The following CDC25A variants were observed in gnomAD, a reference collection of about 807,000 sequenced individuals.
The protein encoded by CDC25A is cell division cycle 25A.
CDC25A carries 17 observed loss-of-function variants against 64.6 expected under a neutral mutation model. The observed-to-expected ratio is 0.26, with a 90% CI of 0.18 to 0.39. The LOEUF (loss-of-function observed/expected upper bound fraction) is 0.39. CDC25A is among the 10% of genes least tolerant of loss of function. CDC25A has a pLI of 1.00. For missense variants in CDC25A, 473 were observed against 654.8 expected, an observed-to-expected ratio of 0.72 and a Z score of 3.03; for synonymous variants, 229 against 238.6, an observed-to-expected ratio of 0.96 and a Z score of 0.37.
chr3:48,164,724 A>G (rs559669659), intron 12 of CDC25A, among the ~76,000 whole-genome samples: 1 of 152,198 alleles, frequency 6.6e-6, no homozygotes, highest in East Asian at 1.9e-4. Context: ...AAATTTGGGG[A>G]TTTTCAAAAG....
intron 13 of CDC25A, among the ~76,000 whole-genome samples, chr3:48,162,301 A>T (rs555164202): frequency 0.021 from 3,170 of 150,072 alleles, 85 homozygotes; most frequent in African/African-American, 0.073. Flanking sequence ...TGTGTGTGAG[A>T]GAGAGACAGA....
Position 48,177,882 on chromosome 3 carries a change from A to G in CDC25A, c.656T>C (p.Val219Ala). The change falls in exon 7 of 15, where the codon GTG becomes GCG. Residue 219 changes from valine (V) to alanine (A), a missense_variant. Around this residue, in one of 2 missense-constraint regions of CDC25A, gnomAD observed 376 missense variants for 431.9 expected, o/e 0.87. Transcript: ENST00000302506. ...CAGATTCTCTCCATCGAGAAGGTCC[A>G]CGAAGCCATCATCCTCATCAGACAA... ...ATLSDEDDGF[V>A]DLLDGENLKN... 1 of 1,614,164 alleles carries G rather than the reference A, an allele frequency of 6.2e-7. No homozygotes were observed. The highest frequency in any genetic ancestry group is 8.5e-7 in the Non-Finnish European group (1 of 1,180,022).
At position 48,158,797 on chromosome 3, in the gene CDC25A, G is replaced by A. The variant is rs939906056; in HGVS notation, c.*148C>T. The A allele has an allele frequency of 1.5e-5, 14 of 925,546 alleles. No individual in the cohort carries two copies. The highest frequency in any genetic ancestry group is 4.8e-5 in the South Asian group (3 of 62,246). The allele number at this position is 925,546 out of a possible 1,614,324, so 57.3% of individuals were successfully genotyped here. A position where few individuals can be genotyped will look rare whatever the true frequency, so the allele number is the denominator to read the frequency against. On this transcript the variant is annotated 3_prime_UTR_variant, in exon 15 of 15. Coordinates refer to ENST00000302506, the MANE Select transcript of CDC25A (RefSeq NM_001789.3). ...GATGCCCTGGGCTCCAACCTTGGGAGTGTGGGAGGTAGGTTTAAGGCATGG... is the reference window on the plus strand; with the variant it reads ...GATGCCCTGGGCTCCAACCTTGGGAATGTGGGAGGTAGGTTTAAGGCATGG...
At chr3:48,171,516 G>A (rs887202821) in intron 9 of CDC25A, among the ~76,000 whole-genome samples, 10 of 151,326 alleles carry the variant, frequency 6.6e-5, no homozygotes, top group Admixed American at 1.3e-4. Flanking sequence ...GAGCAGCTGG[G>A]ATTACAGGCT....
At position 48,161,943 on chromosome 3, in the gene CDC25A, C is replaced by T. The variant is rs549724664; in HGVS notation, c.1322+2364G>A. On this transcript the variant is annotated intron_variant, in intron 13 of 14. Transcript: ENST00000302506. Reference sequence around the variant, plus strand: ...TGGCATGGTGGCATGCACCCGTAGTCCCAGCTACTTGGGAGCCTGAGGCAG... The same window carrying T: ...TGGCATGGTGGCATGCACCCGTAGTTCCAGCTACTTGGGAGCCTGAGGCAG... Among the ~76,000 whole-genome samples the T allele has an allele frequency of 7.2e-5, 11 of 152,208 alleles. No homozygotes were observed. In the South Asian group the frequency reaches 1.9e-3, roughly 26 times the overall value.
At chr3:48,179,700 A>G (rs2032592331) in intron 6 of CDC25A, among the ~76,000 whole-genome samples, 1 of 152,164 alleles carries the variant, frequency 6.6e-6, no homozygotes, top group African/African-American at 2.4e-5. Flanking sequence ...CTACTTATGT[A>G]TATCCTTTGG....
At chr3:48,162,010 G>A (rs1482169604) in intron 13 of CDC25A, among the ~76,000 whole-genome samples, 1 of 152,092 alleles carries the variant, frequency 6.6e-6, no homozygotes. Context: ...GCAGTGATCC[G>A]AGATCGCACC....
chr3:48,187,697 C>T, intron 1 of CDC25A, 81 bp downstream of exon 1: 1 of 1,362,644 alleles, frequency 7.3e-7, no homozygotes, highest in Non-Finnish European at 9.9e-7. Context: ...GCCCTTCTCC[C>T]GGTCCGTTTC....
intron 9 of CDC25A, among the ~76,000 whole-genome samples, chr3:48,171,302 A>C (rs2032260178): frequency 6.6e-6 from 1 of 151,488 alleles, no homozygotes; most frequent in South Asian, 2.1e-4. Flanking sequence ...TGAACTGGGG[A>C]GGCGGAGGTT....
At position 48,159,207 on chromosome 3, in the gene CDC25A, A is replaced by G. The variant is rs1300890563; in HGVS notation, c.1435-122T>C. On this transcript the variant is annotated intron_variant, in intron 14 of 14. Transcript: ENST00000302506. ...GGCAGACCTAGGGAGCCAGTTCTAC[A>G]GGGGCTTTCTTTGGGTTCAGCAGAT... 5.9e-6 allele frequency: 8 copies of G among 1,347,574 alleles called. No homozygotes were observed. The Admixed American group carries it at 1.0e-4, about 17-fold the overall frequency. 83.5% of individuals were successfully genotyped at this position (1,347,574 alleles called of 1,614,324 possible).
chr3:48,182,787 C>T, intron 5 of CDC25A, 142 bp downstream of exon 5: 1 of 602,352 alleles, frequency 1.7e-6, no homozygotes, highest in African/African-American at 1.8e-5. Flanking sequence ...AAGCAGGATC[C>T]AAACCCAGAA....
At chr3:48,186,641 G>A in intron 2 of CDC25A, 62 bp downstream of exon 2, 1 of 1,030,206 alleles carries the variant, frequency 9.7e-7, no homozygotes, top group Admixed American at 2.0e-5. Flanking sequence ...CTAACCTCCT[G>A]GGTGAAAAGG....
chr3:48,157,305 AAAC>A lies in CDC25A; in HGVS notation c.*1637_*1639del, dbSNP rs1459007064. 4 of 152,252 alleles carry A rather than the reference AAAC, an allele frequency of 2.6e-5. No individual in the cohort carries two copies. The highest frequency in any genetic ancestry group is 9.6e-5 in the African/African-American group (4 of 41,452). 9.4% of individuals were successfully genotyped at this position (152,252 alleles called of 1,614,324 possible). On this transcript the variant is annotated 3_prime_UTR_variant, in exon 15 of 15. Coordinates refer to ENST00000302506, the MANE Select transcript of CDC25A (RefSeq NM_001789.3). The stretch of plus-strand genomic sequence containing the variant: ...TCAACCAACAGAATCTCTTTCTTAC[AAAC>A]AATATCATTAACCAGTTGGAATCTG...
chr3:48,162,098 C>T (rs2031792130), intron 13 of CDC25A, among the ~76,000 whole-genome samples: 1 of 152,108 alleles, frequency 6.6e-6, no homozygotes, highest in East Asian at 1.9e-4. Context: ...TGAATAATTC[C>T]ATTCATGAAT....
chr3:48,180,439 C>A (rs2106750062), intron 6 of CDC25A: 1 of 298,188 alleles, frequency 3.4e-6, no homozygotes, highest in African/African-American at 2.2e-5. Flanking sequence ...TATAATCCCA[C>A]CATACATACA....
At chr3:48,180,974 G>T in intron 5 of CDC25A, 134 bp from the exon 6 acceptor site, 1 of 727,160 alleles carries the variant, frequency 1.4e-6, no homozygotes, top group Non-Finnish European at 2.3e-6. Flanking sequence ...TCCAACAATA[G>T]ATCTGCGTAA....
chr3:48,181,026 T>A (rs1261706312), intron 5 of CDC25A, among the ~76,000 whole-genome samples, 186 bp from the exon 6 acceptor site: 1 of 152,202 alleles, frequency 6.6e-6, no homozygotes, highest in African/African-American at 2.4e-5. Flanking sequence ...ACTTCTAAAG[T>A]AACATCTTTT....
At chr3:48,169,789 C>T (rs2032199593) in intron 9 of CDC25A, among the ~76,000 whole-genome samples, 2 of 152,146 alleles carry the variant, frequency 1.3e-5, no homozygotes, top group Non-Finnish European at 2.9e-5. Flanking sequence ...GAGTGGATCA[C>T]TTGATGTCAG....
chr3:48,171,343 C>T (rs2032261878), intron 9 of CDC25A, among the ~76,000 whole-genome samples: 1 of 151,458 alleles, frequency 6.6e-6, no homozygotes, highest in African/African-American at 2.4e-5. Flanking sequence ...CACTGCACTC[C>T]AGCGTGTCTC....
Sources: allele counts gnomAD v4.1 joint callset (sites outside exome capture counted in the v4.1 genomes callset), GRCh38; gene constraint gnomAD v4.1.1; regional missense constraint gnomAD v4.1.1; transcripts MANE v1.5; gene names NCBI Gene and HGNC (gene_info 2026-07-23, HGNC 2026-07-21).